TRAPPC12: variants seen among roughly 807,000 people sequenced by gnomAD.
TRAPPC12 encodes TPR repeat protein 15.
In TRAPPC12, 61 loss-of-function variants were observed where a neutral mutation model predicts 69.2. The ratio of observed to expected loss-of-function variants is 0.88; its 90% CI spans 0.72 to 1.09. The LOEUF (loss-of-function observed/expected upper bound fraction) is 1.09, where lower values mean the gene tolerates loss of function less well. Ranked by LOEUF, TRAPPC12 falls within the 50% of genes least tolerant of loss-of-function variation. The pLI is 0.00. For synonymous variants in TRAPPC12, 469 were observed against 438.9 expected, an observed-to-expected ratio of 1.07 and a Z score of -0.86; for missense variants, 1,101 against 1,016.4, an observed-to-expected ratio of 1.08 and a Z score of -1.13.
intron 5 of TRAPPC12, among the ~76,000 whole-genome samples, chr2:3,437,160 C>T (rs372328908): frequency 0.024 from 156 of 6,578 alleles, 6 homozygotes; most frequent in Non-Finnish European, 0.038. Flanking sequence ...CCCCATCACC[C>T]CTGAATTAAT....
chr2:3,458,114 T>C, intron 7 of TRAPPC12: 1 of 1,027,702 alleles, frequency 9.7e-7, no homozygotes, highest in Non-Finnish European at 1.2e-6. Flanking sequence ...CAGGAGGAGC[T>C]GGAGAGGAAG....
chr2:3,417,853 GC>G (rs1662512884), intron 3 of TRAPPC12, among the ~76,000 whole-genome samples: 1 of 140,728 alleles, frequency 7.1e-6, no homozygotes, highest in African/African-American at 2.8e-5. Flanking sequence ...GACCAGCCTG[GC>G]CAACATGGCG....
chr2:3,470,756 C>G (rs34114576), intron 9 of TRAPPC12, among the ~76,000 whole-genome samples: 18,430 of 152,066 alleles, frequency 0.12, 1,275 homozygotes, highest in South Asian at 0.19. Flanking sequence ...AAACACTAAT[C>G]AAAAAGGAAG....
chr2:3,433,042 GTTTGT>G (rs57828281), intron 5 of TRAPPC12, among the ~76,000 whole-genome samples: 3 of 152,068 alleles, frequency 2.0e-5, no homozygotes, highest in Admixed American at 2.0e-4. Flanking sequence ...TTTGTGTTTG[GTTTGT>G]TTTGTTTTGT....
At chr2:3,389,842 G>A (rs1036295296) in intron 2 of TRAPPC12, 2 of 466,402 alleles carry the variant, frequency 4.3e-6, no homozygotes, top group African/African-American at 4.0e-5. Context: ...GGGAGGCGAG[G>A]GTGGTCCCCC....
At chr2:3,471,309 G>A (rs1666049083) in intron 9 of TRAPPC12, among the ~76,000 whole-genome samples, 1 of 152,200 alleles carries the variant, frequency 6.6e-6, no homozygotes, top group Admixed American at 6.6e-5. Flanking sequence ...TCAAATTACA[G>A]AATTGTACTT....
chr2:3,448,605 G>A lies in TRAPPC12; in HGVS notation c.1530+4714G>A, dbSNP rs1291472321. ...GGGCGTGGAGAGCAGCCGGTTACTC[G>A]AGGGTAGGGCGTCTAGAGCAGCCGG... On this transcript the variant is annotated intron_variant, in intron 6 of 11. Transcript: ENST00000324266. Among the ~76,000 whole-genome samples the A allele has an allele frequency of 3.2e-5, 4 of 126,484 alleles. No individual in the cohort carries two copies. The East Asian group carries it at 7.8e-4, about 25-fold the overall frequency. The allele number at this position is 126,484 out of a possible 152,430, so 83.0% of individuals were successfully genotyped here.
intron 3 of TRAPPC12, among the ~76,000 whole-genome samples, chr2:3,411,786 A>G (rs557147390): frequency 2.2e-4 from 33 of 152,222 alleles, no homozygotes; most frequent in Non-Finnish European, 4.0e-4. Flanking sequence ...TCTTTAGGAT[A>G]AGTCTTAGGA....
At chr2:3,392,053 G>T (rs1419104108) in intron 2 of TRAPPC12, among the ~76,000 whole-genome samples, 1 of 152,128 alleles carries the variant, frequency 6.6e-6, no homozygotes, top group Non-Finnish European at 1.5e-5. Flanking sequence ...ATTTGGAAAG[G>T]GGGAGAGGTG....
At chr2:3,467,854 G>T (rs1665888242) in intron 9 of TRAPPC12, 1 of 152,308 alleles carries the variant, frequency 6.6e-6, no homozygotes, top group Non-Finnish European at 1.5e-5. Context: ...TCAGCAGAGG[G>T]TTGCAGAGGC....
chr2:3,385,556 TTAAAGCAGCTTCATC>T (rs1332435367), intron 1 of TRAPPC12, among the ~76,000 whole-genome samples: 27 of 152,334 alleles, frequency 1.8e-4, no homozygotes, highest in African/African-American at 6.5e-4. Flanking sequence ...TCTTACAGGT[TTAAAGCAGCTTCATC>T]TTCACAATAG....
chr2:3,471,361 C>G (rs931050338), intron 9 of TRAPPC12, among the ~76,000 whole-genome samples: 1 of 152,178 alleles, frequency 6.6e-6, no homozygotes, highest in South Asian at 2.1e-4. Context: ...CATCTCCCCC[C>G]TCGGCCTCGT....
At chr2:3,418,939 C>T (rs1293219996) in intron 3 of TRAPPC12, among the ~76,000 whole-genome samples, 1 of 152,202 alleles carries the variant, frequency 6.6e-6, no homozygotes, top group Non-Finnish European at 1.5e-5. Flanking sequence ...CTTCCCCAGC[C>T]TCTCCTCATC....
intron 6 of TRAPPC12, chr2:3,455,405 A>G (rs147584387): frequency 6.6e-6 from 1 of 152,062 alleles, no homozygotes; most frequent in African/African-American, 2.4e-5. Context: ...TTTTTAACGT[A>G]CACTTAAATT....
chr2:3,382,744 T>C (rs540986729), intron 1 of TRAPPC12, among the ~76,000 whole-genome samples: 1 of 152,198 alleles, frequency 6.6e-6, no homozygotes, highest in South Asian at 2.1e-4. Context: ...GGCCAACATA[T>C]TGAGTCCCCA....
rs770956772 is a variant in TRAPPC12, at chr2:3,388,614, G to A, written c.991G>A (p.Val331Met). The A allele has an allele frequency of 2.5e-6, 4 of 1,599,450 alleles. No homozygotes were observed. The highest frequency in any genetic ancestry group is 1.7e-5 in the Admixed American group (1 of 58,888). ...CGTGGCCACCCAGCAGCGCGGCGCCGTGTTCGTGGACAAGGAGAACCTCAC... is the reference window on the plus strand; with the variant it reads ...CGTGGCCACCCAGCAGCGCGGCGCCATGTTCGTGGACAAGGAGAACCTCAC... ...RAVATQQRGAVFVDKENLTMP... is the reference protein window; with the variant it reads ...RAVATQQRGAMFVDKENLTMP... The change falls in exon 2 of 12, where the codon GTG becomes ATG. Residue 331 changes from valine to methionine, a missense_variant. Val to Met is a conservative substitution (Grantham distance 21). Transcript: ENST00000324266.
chr2:3,466,197 G>A, intron 9 of TRAPPC12: 1 of 447,798 alleles, frequency 2.2e-6, no homozygotes, highest in East Asian at 7.2e-5. Context: ...TTGGTGACAG[G>A]GAGGTCACAG....
At chr2:3,478,149 TTC>T (rs1365084437) in intron 10 of TRAPPC12, 1 of 172,292 alleles carries the variant, frequency 5.8e-6, no homozygotes, top group Non-Finnish European at 1.2e-5. Context: ...TGCTCTGGTG[TTC>T]TGTGTCTGGA....
chr2:3,444,040 T>G (rs906116161), intron 6 of TRAPPC12, 149 bp downstream of exon 6: 2 of 623,280 alleles, frequency 3.2e-6, no homozygotes, highest in Non-Finnish European at 5.7e-6. Flanking sequence ...CCGGTTTGTG[T>G]GGCCTGGTAG....
Sources: allele counts gnomAD v4.1 joint callset (sites outside exome capture counted in the v4.1 genomes callset), GRCh38; gene constraint gnomAD v4.1.1; transcripts MANE v1.5; gene names NCBI Gene and HGNC (gene_info 2026-07-23, HGNC 2026-07-21).